MARCHF6: variants seen among roughly 807,000 people sequenced by gnomAD.
MARCHF6 encodes E3 ubiquitin-protein ligase MARCHF6.
MARCHF6 carries 31 observed loss-of-function variants against 133.7 expected under a neutral mutation model. The ratio of observed to expected loss-of-function variants is 0.23; its 90% CI spans 0.17 to 0.31. The LOEUF (loss-of-function observed/expected upper bound fraction) is 0.31, where lower values mean the gene tolerates loss of function less well. MARCHF6 is among the 10% of genes least tolerant of loss of function. MARCHF6 has a pLI of 1.00. For synonymous variants in MARCHF6, 395 were observed against 402.5 expected (o/e 0.98, Z 0.22); for missense variants, 723 against 1,121.6 (o/e 0.64, Z 5.08).
chr5:10,415,772 A>T, intron 21 of MARCHF6, 103 bp downstream of exon 21: 1 of 972,790 alleles, frequency 1.0e-6, no homozygotes, highest in Non-Finnish European at 1.5e-6. Context: ...TCCTTACTAT[A>T]TTGTTTCAAG....
In MARCHF6 at chr5:10,436,799, C is replaced by G. The variant is rs1276816218; in HGVS notation, c.*3115C>G. 1 of 152,154 alleles carries G rather than the reference C, an allele frequency of 6.6e-6. No individual in the cohort carries two copies. The highest frequency in any genetic ancestry group is 2.4e-5 in the African/African-American group (1 of 41,438). The allele number at this position is 152,154 out of a possible 1,614,324, so 9.4% of individuals were successfully genotyped here. A position where few individuals can be genotyped will look rare whatever the true frequency, so the allele number is the denominator to read the frequency against. On this transcript the variant is annotated 3_prime_UTR_variant, in exon 26 of 26. Transcript: ENST00000274140. ...AAAAACTTCCCATGTTTTTAGGTGA[C>G]TTTTTTCCCCCTCTTAGTACTCTGG...
intron 15 of MARCHF6, among the ~76,000 whole-genome samples, chr5:10,404,060 T>C (rs548385809): frequency 2.2e-5 from 3 of 138,672 alleles, no homozygotes; most frequent in South Asian, 2.2e-4. Flanking sequence ...TATTTATTTA[T>C]TTATTTATTT....
Position 10,429,893 on chromosome 5 carries a change from G to A in MARCHF6, c.2507G>A (p.Gly836Asp). The A allele has an allele frequency of 6.2e-7, 1 of 1,610,308 alleles. No individual in the cohort carries two copies. The highest frequency in any genetic ancestry group is 8.5e-7 in the Non-Finnish European group (1 of 1,177,196). ...VIASGVVPLLGVTAEMQNLVH... is the reference protein window; with the variant it reads ...VIASGVVPLLDVTAEMQNLVH... ...AAGTTTTTCTTTTTTGGTTTTCTAG[G>A]TGTTACTGCGGAAATGCAAAACTTA... Residue 836 changes from glycine to aspartate, a missense_variant and splice_region_variant, in exon 25 of 26, where the codon GGT (glycine) becomes GAT (aspartate). Physicochemically the swap from Gly to Asp is moderately conservative, Grantham distance 94. Transcript: ENST00000274140.
At chr5:10,426,690 G>C (rs1740105587) in intron 24 of MARCHF6, among the ~76,000 whole-genome samples, 168 bp downstream of exon 24, 1 of 152,148 alleles carries the variant, frequency 6.6e-6, no homozygotes, top group African/African-American at 2.4e-5. Flanking sequence ...TGACTATTCT[G>C]GGTAAGATTA....
In MARCHF6 at chr5:10,414,463, A is replaced by T; in HGVS notation, c.1927A>T (p.Thr643Ser). Residue 643 changes from threonine to serine, a missense_variant, in exon 20 of 26, where the codon ACA becomes TCA. Physicochemically the swap from Thr to Ser is moderately conservative, Grantham distance 58. Coordinates refer to ENST00000274140, the MANE Select transcript of MARCHF6 (RefSeq NM_005885.4). ...IFLLIVFMCI[T>S]LLIASLICLT... The stretch of plus-strand genomic sequence containing the variant: ...TCTGTTGATTGTCTTCATGTGTATA[A>T]CATTACTGATTGCCAGCCTCATCTG... 1 of 1,613,688 alleles carries T rather than the reference A, an allele frequency of 6.2e-7. No homozygotes were observed. The highest frequency in any genetic ancestry group is 1.1e-5 in the South Asian group (1 of 91,056).
At chr5:10,410,299 T>TTGG (rs1242896185) in intron 18 of MARCHF6, 23 bp downstream of exon 18, 1 of 1,608,996 alleles carries the variant, frequency 6.2e-7, no homozygotes, top group Admixed American at 1.7e-5. Context: ...AGCTGACTCC[T>TTGG]TGGACATGCA....
At chr5:10,417,597 T>A in intron 22 of MARCHF6, 193 bp downstream of exon 22, 2 of 633,202 alleles carry the variant, frequency 3.2e-6, no homozygotes, top group Non-Finnish European at 5.3e-6. Context: ...AATTGGCTCA[T>A]GCGTCTGGTC....
intron 4 of MARCHF6, 149 bp downstream of exon 4, chr5:10,382,092 T>C: frequency 1.1e-6 from 1 of 881,432 alleles, no homozygotes; most frequent in East Asian, 2.7e-5. Flanking sequence ...ACTTAGAAGA[T>C]GTTCATCGGA....
At chr5:10,431,797 A>G (rs1164492442) in intron 25 of MARCHF6, among the ~76,000 whole-genome samples, 6 of 152,034 alleles carry the variant, frequency 3.9e-5, no homozygotes, top group African/African-American at 1.5e-4. Flanking sequence ...TATGCTTTTT[A>G]TTTACTTACT....
intron 21 of MARCHF6, among the ~76,000 whole-genome samples, chr5:10,417,008 C>A (rs1396850931): frequency 6.6e-6 from 1 of 152,156 alleles, no homozygotes; most frequent in African/African-American, 2.4e-5. Context: ...GGGGCCTTGG[C>A]CAGTCGGTAG....
At chr5:10,391,508 G>A (rs766951012) in intron 6 of MARCHF6, 34 bp from the exon 7 acceptor site, 43 of 1,095,514 alleles carry the variant, frequency 3.9e-5, no homozygotes, top group Admixed American at 3.3e-4. Flanking sequence ...ACAGACAAGT[G>A]GATCTAAATT....
At chr5:10,377,941 G>A (rs370240942) in intron 2 of MARCHF6, 47 bp downstream of exon 2, 13 of 1,104,328 alleles carry the variant, frequency 1.2e-5, no homozygotes, top group African/African-American at 6.2e-5. Flanking sequence ...CTTCAGTTTC[G>A]TCATGTATAC....
chr5:10,394,859 G>A lies in MARCHF6; in HGVS notation c.861+74G>A, dbSNP rs552079047. On this transcript the variant is annotated intron_variant, in intron 9 of 25. Transcript: ENST00000274140. ...CTGTCACCCAGGCTGGACTGCAGTG[G>A]CGTGATCTTGGCTCACTGCAACCTC... 7.9e-5 allele frequency: 75 copies of A among 944,968 alleles called. 1 individual carries two copies. In the South Asian group the frequency reaches 8.8e-4, roughly 11 times the overall value. 58.5% of individuals were successfully genotyped at this position (944,968 alleles called of 1,614,324 possible).
intron 10 of MARCHF6, among the ~76,000 whole-genome samples, chr5:10,399,803 A>G (rs1280099717): frequency 2.0e-5 from 3 of 152,138 alleles, no homozygotes; most frequent in Non-Finnish European, 4.4e-5. Flanking sequence ...CTTTTAATCT[A>G]GAGTACTCTT....
chr5:10,417,565 G>T (rs556213961), intron 22 of MARCHF6, 161 bp downstream of exon 22: 12 of 813,460 alleles, frequency 1.5e-5, no homozygotes, highest in Non-Finnish European at 2.3e-5. Context: ...GGGCAGCATG[G>T]CAAGACCTAG....
At chr5:10,392,774 C>A (rs1194028843) in intron 7 of MARCHF6, among the ~76,000 whole-genome samples, 1 of 151,794 alleles carries the variant, frequency 6.6e-6, no homozygotes, top group Non-Finnish European at 1.5e-5. Flanking sequence ...AAAAAAGATC[C>A]AAGACAGGGT....
chr5:10,411,579 G>T, intron 19 of MARCHF6, 42 bp downstream of exon 19: 1 of 1,530,726 alleles, frequency 6.5e-7, no homozygotes, highest in Non-Finnish European at 8.8e-7. Flanking sequence ...AGGTTTTTTT[G>T]GTTTTTTTGT....
chr5:10,436,562 C>T lies in MARCHF6; in HGVS notation c.*2878C>T, dbSNP rs1740663197. The stretch of plus-strand genomic sequence containing the variant: ...CAAGAAGGTTAACTAGGAAAGAAGA[C>T]CTTTTTGTTTTATTTTTACTATTTA... On this transcript the variant is annotated 3_prime_UTR_variant, in exon 26 of 26. Transcript: ENST00000274140. 1 of 152,004 alleles carries T rather than the reference C, an allele frequency of 6.6e-6. No homozygotes were observed. The highest frequency in any genetic ancestry group is 2.1e-4 in the South Asian group (1 of 4,816). 9.4% of individuals were successfully genotyped at this position (152,004 alleles called of 1,614,324 possible).
At chr5:10,432,585 GC>G (rs913300475) in intron 25 of MARCHF6, among the ~76,000 whole-genome samples, 2 of 152,230 alleles carry the variant, frequency 1.3e-5, no homozygotes, top group African/African-American at 4.8e-5. Context: ...AGCCTTCGAT[GC>G]AGCTGTCGCC....
Sources: gnomAD v4.1 joint callset for allele counts (sites outside exome capture counted in the v4.1 genomes callset) on GRCh38, gnomAD v4.1.1 for gene constraint, MANE v1.5 for transcripts, NCBI Gene and HGNC (gene_info 2026-07-23, HGNC 2026-07-21) for gene names.